CNOT6: variants seen among roughly 807,000 people sequenced by gnomAD.
CNOT6 encodes CCR4-NOT transcription complex subunit 6.
CNOT6 carries 12 observed loss-of-function variants against 61.2 expected under a neutral mutation model. That is an observed-to-expected ratio of 0.20 (90% confidence interval 0.13 to 0.32). The LOEUF is 0.32. Ranked by LOEUF, CNOT6 falls within the 10% of genes least tolerant of loss-of-function variation. The pLI is 1.00. For missense variants in CNOT6, 405 were observed against 663.9 expected (o/e 0.61, Z 4.28); for synonymous variants, 225 against 240.6 (o/e 0.94, Z 0.60).
At chr5:180,516,064 C>T (rs1290899390) in intron 1 of CNOT6, among the ~76,000 whole-genome samples, 7 of 152,144 alleles carry the variant, frequency 4.6e-5, no homozygotes, top group Non-Finnish European at 8.8e-5. Flanking sequence ...GCACACACCA[C>T]CACGCCTGGC....
chr5:180,551,785 C>T (rs578083279), intron 3 of CNOT6, among the ~76,000 whole-genome samples: 1 of 151,650 alleles, frequency 6.6e-6, no homozygotes, highest in African/African-American at 2.4e-5. Flanking sequence ...AGCCTTTTGA[C>T]TTTTTTTTAG....
chr5:180,537,319 C>G (rs1269973426), intron 2 of CNOT6, among the ~76,000 whole-genome samples: 2 of 152,134 alleles, frequency 1.3e-5, no homozygotes, highest in Non-Finnish European at 2.9e-5. Flanking sequence ...ATTTTTTTGC[C>G]ATCCTGATAG....
rs1009140234 is a variant in CNOT6 at position 180,510,683 on chromosome 5, C to A, written c.-3+15920C>A. Among the ~76,000 whole-genome samples the A allele has an allele frequency of 3.9e-5, 6 of 152,130 alleles. No homozygotes were observed. The East Asian group carries it at 1.2e-3, about 29-fold the overall frequency. ...TGTCTTTATATGACATTTAAATGTT[C>A]ATTATCTAAAAGTTTTAATATACCT... On this transcript the variant is annotated intron_variant, in intron 1 of 11. Coordinates refer to ENST00000261951, the MANE Select transcript of CNOT6 (RefSeq NM_001370472.1).
intron 2 of CNOT6, among the ~76,000 whole-genome samples, chr5:180,539,502 A>C (rs1045273590): frequency 6.9e-6 from 1 of 144,360 alleles, no homozygotes; most frequent in African/African-American, 2.6e-5. Context: ...TTTTATAGCA[A>C]CTTATTAAAA....
intron 1 of CNOT6, among the ~76,000 whole-genome samples, chr5:180,525,271 T>C (rs1388873486): frequency 6.6e-6 from 1 of 152,150 alleles, no homozygotes; most frequent in Non-Finnish European, 1.5e-5. Context: ...GTGCGGTGGC[T>C]CATGCCTCTA....
At chr5:180,516,814 G>A (rs1184301930) in intron 1 of CNOT6, among the ~76,000 whole-genome samples, 1 of 152,162 alleles carries the variant, frequency 6.6e-6, no homozygotes, top group Non-Finnish European at 1.5e-5. Context: ...GTTTGTTGAA[G>A]GCAACAGGCC....
At chr5:180,522,112 T>C (rs567746499) in intron 1 of CNOT6, among the ~76,000 whole-genome samples, 1 of 152,084 alleles carries the variant, frequency 6.6e-6, no homozygotes, top group East Asian at 1.9e-4. Context: ...TTTATTTTTA[T>C]CTGTCTGTCT....
rs112163918 is a variant in CNOT6, at chr5:180,569,529, TGAG to T, written c.1258+193_1258+195del. Among the ~76,000 whole-genome samples the T allele has an allele frequency of 7.9e-3, 1,208 of 152,216 alleles. 14 individuals carry two copies. Among genetic ancestry groups the T allele is most frequent in the African/African-American group, 0.027 (1,138 of 41,524 alleles). ...AAGATGAAACGATATTATGGAAACT[TGAG>T]GAGAAGGATGTTAATCATCTTGAAT... On this transcript the variant is annotated intron_variant, in intron 10 of 11. Transcript: ENST00000261951.
intron 2 of CNOT6, among the ~76,000 whole-genome samples, chr5:180,541,542 C>G (rs922867169): frequency 1.4e-5 from 2 of 148,018 alleles, no homozygotes; most frequent in African/African-American, 5.0e-5. Context: ...AGCTCCGCCT[C>G]CCGGATTCAC....
chr5:180,548,766 C>G (rs1485718526), intron 2 of CNOT6, among the ~76,000 whole-genome samples: 1 of 152,166 alleles, frequency 6.6e-6, no homozygotes, highest in Non-Finnish European at 1.5e-5. Context: ...TCCTGTTACT[C>G]TTATCTTGGT....
At chr5:180,548,395 C>A (rs1171989787) in intron 2 of CNOT6, among the ~76,000 whole-genome samples, 1 of 152,072 alleles carries the variant, frequency 6.6e-6, no homozygotes, top group Non-Finnish European at 1.5e-5. Flanking sequence ...CGATCAATAC[C>A]CTGTTGACAA....
chr5:180,517,335 C>T (rs936599965), intron 1 of CNOT6, among the ~76,000 whole-genome samples: 1 of 152,046 alleles, frequency 6.6e-6, no homozygotes, highest in Non-Finnish European at 1.5e-5. Flanking sequence ...TGCCATGTTT[C>T]CCAGGCTGAT....
intron 2 of CNOT6, among the ~76,000 whole-genome samples, chr5:180,546,783 A>G (rs979230639): frequency 6.6e-6 from 1 of 152,218 alleles, no homozygotes; most frequent in Non-Finnish European, 1.5e-5. Flanking sequence ...TCAACTGGCA[A>G]TGAATCATTT....
intron 4 of CNOT6, among the ~76,000 whole-genome samples, chr5:180,555,423 G>T (rs74957314): frequency 0.019 from 2,879 of 152,246 alleles, 38 homozygotes; most frequent in Non-Finnish European, 0.027. Flanking sequence ...TTCCATTTCA[G>T]ATGCTTTACT....
At chr5:180,498,105 A>T (rs146097027) in intron 1 of CNOT6, among the ~76,000 whole-genome samples, 22 of 152,174 alleles carry the variant, frequency 1.4e-4, no homozygotes, top group African/African-American at 5.3e-4. Flanking sequence ...GCTGGGGTAC[A>T]TTAGAGTATA....
chr5:180,526,008 C>T (rs1265868900), intron 1 of CNOT6, among the ~76,000 whole-genome samples: 1 of 152,148 alleles, frequency 6.6e-6, no homozygotes, highest in African/African-American at 2.4e-5. Context: ...TCATGGCTCA[C>T]TGCAGCTTTG....
rs1266002063 is a variant in CNOT6 at position 180,575,317 on chromosome 5, A to G, written c.*1117A>G. ...TGAATATCACATTTTGGAACATGTT[A>G]TAGGGTGAGTCCCTGGATCTTTGCT... On this transcript the variant is annotated 3_prime_UTR_variant, in exon 12 of 12. Coordinates refer to ENST00000261951, the MANE Select transcript of CNOT6 (RefSeq NM_001370472.1). 2 of 151,882 alleles carry G rather than the reference A, an allele frequency of 1.3e-5. No homozygotes were observed. The allele number at this position is 151,882 out of a possible 1,614,324, so 9.4% of individuals were successfully genotyped here. A position where few individuals can be genotyped will look rare whatever the true frequency, so the allele number is the denominator to read the frequency against.
At chr5:180,530,857 C>T (rs1418547786) in intron 2 of CNOT6, among the ~76,000 whole-genome samples, 4 of 152,176 alleles carry the variant, frequency 2.6e-5, no homozygotes, top group Non-Finnish European at 4.4e-5. Flanking sequence ...GGACACAGCA[C>T]ATGTTTCAGA....
At position 180,567,261 on chromosome 5, in the gene CNOT6, TA is replaced by T; in HGVS notation, c.872+24del. 1 of 1,591,396 alleles carries T rather than the reference TA, an allele frequency of 6.3e-7. No homozygotes were observed. The highest frequency in any genetic ancestry group is 1.2e-5 in the South Asian group (1 of 86,520). ...CAGAAAAGTAAGTCATCTTATTTTT[TA>T]AAAAGAACGTTTTCTCAGTATTTGC... On this transcript the variant is annotated intron_variant, in intron 8 of 11. Transcript: ENST00000261951.
Sources: allele counts gnomAD v4.1 joint callset (sites outside exome capture counted in the v4.1 genomes callset), GRCh38; gene constraint gnomAD v4.1.1; transcripts MANE v1.5; gene names NCBI Gene and HGNC (gene_info 2026-07-23, HGNC 2026-07-21).